TASP1: variants seen among roughly 807,000 people sequenced by gnomAD.
TASP1 encodes the protein threonine aspartase 1.
A neutral mutation model predicts 56.6 loss-of-function variants in TASP1; 16 were observed. That is an observed-to-expected ratio of 0.28 (90% CI 0.19 to 0.43). The LOEUF (loss-of-function observed/expected upper bound fraction) is 0.43, where lower values mean the gene tolerates loss of function less well. TASP1 is among the 20% of genes least tolerant of loss of function. The probability of loss-of-function intolerance (pLI) is 1.00; values close to 1 mark genes in which losing one functional copy is unlikely to be tolerated. For missense variants in TASP1, 393 were observed against 511.6 expected (o/e 0.77, Z 2.24); for synonymous variants, 179 against 184.2 (o/e 0.97, Z 0.23).
intron 10 of TASP1, among the ~76,000 whole-genome samples, chr20:13,496,514 T>C (rs1224148439): frequency 6.6e-6 from 1 of 150,614 alleles, no homozygotes; most frequent in Admixed American, 6.6e-5. Context: ...AGGAGGATCA[T>C]TGGAGAAATG....
At chr20:13,495,091 A>G (rs2146595052) in intron 10 of TASP1, among the ~76,000 whole-genome samples, 1 of 152,234 alleles carries the variant, frequency 6.6e-6, no homozygotes, top group East Asian at 1.9e-4. Flanking sequence ...AGACAGTTAT[A>G]CTACACCATA....
chr20:13,386,564 C>T (rs921054119), downstream of TASP1, among the ~76,000 whole-genome samples: 15 of 152,136 alleles, frequency 9.9e-5, no homozygotes, highest in Non-Finnish European at 1.9e-4. Flanking sequence ...TAAATCTTCT[C>T]TTCTTCATTC....
the TASP1 span, among the ~76,000 whole-genome samples, chr20:13,381,529 G>A: frequency 6.6e-6 from 1 of 152,212 alleles, no homozygotes; most frequent in African/African-American, 2.4e-5. Flanking sequence ...GCCATCTTGA[G>A]AAGTCTGTTA....
the TASP1 span, among the ~76,000 whole-genome samples, chr20:13,231,170 C>T: frequency 2.6e-5 from 4 of 152,314 alleles, no homozygotes; most frequent in Admixed American, 2.6e-4. Context: ...GGATACTCCT[C>T]TAGGTAGCAA....
At chr20:13,280,399 C>G in the TASP1 span, among the ~76,000 whole-genome samples, 1,252 of 147,652 alleles carry the variant, frequency 8.5e-3, 22 homozygotes, top group African/African-American at 0.029. Context: ...TAACCCCCCC[C>G]CCCCAATACA....
At chr20:13,395,950 C>T (rs1197871889) in intron 13 of TASP1, among the ~76,000 whole-genome samples, 9 of 151,870 alleles carry the variant, frequency 5.9e-5, no homozygotes, top group Admixed American at 5.9e-4. Context: ...ATCCGCCTGC[C>T]TTGGCCTCCC....
chr20:13,166,689 G>A, the TASP1 span: 1 of 152,196 alleles, frequency 6.6e-6, no homozygotes, highest in Non-Finnish European at 1.5e-5. Flanking sequence ...AAAGGAAACA[G>A]GAGGTCAAAA....
chr20:13,192,228 T>C, the TASP1 span, among the ~76,000 whole-genome samples: 1 of 152,152 alleles, frequency 6.6e-6, no homozygotes, highest in Admixed American at 6.5e-5. Context: ...AACATGGATC[T>C]GAAATTTGGA....
At chr20:13,596,220 A>G (rs1364833374) in intron 4 of TASP1, among the ~76,000 whole-genome samples, 1 of 151,952 alleles carries the variant, frequency 6.6e-6, no homozygotes, top group Non-Finnish European at 1.5e-5. Context: ...TAAAAATACA[A>G]AAAAACTAGC....
intron 5 of TASP1, among the ~76,000 whole-genome samples, chr20:13,583,641 G>A (rs2047201912): frequency 6.6e-6 from 1 of 152,172 alleles, no homozygotes; most frequent in South Asian, 2.1e-4. Context: ...TAGACCTCAT[G>A]AGCGTATTGT....
At chr20:13,429,144 G>T (rs2042715547) in intron 12 of TASP1, among the ~76,000 whole-genome samples, 1 of 152,188 alleles carries the variant, frequency 6.6e-6, no homozygotes, top group Non-Finnish European at 1.5e-5. Flanking sequence ...AGAAGTGCTG[G>T]CCTATGAGAA....
At chr20:13,391,063 T>C (rs2041254631) in intron 13 of TASP1, among the ~76,000 whole-genome samples, 1 of 152,220 alleles carries the variant, frequency 6.6e-6, no homozygotes. Context: ...CCTGCTGCCC[T>C]GTCTCTCAGT....
intron 12 of TASP1, among the ~76,000 whole-genome samples, chr20:13,424,855 T>C (rs1233382044): frequency 6.6e-6 from 1 of 152,140 alleles, no homozygotes; most frequent in Non-Finnish European, 1.5e-5. Flanking sequence ...CTGAGTAGGT[T>C]TAACATGTGA....
the TASP1 span, among the ~76,000 whole-genome samples, chr20:13,240,267 T>C: frequency 1.3e-5 from 2 of 152,302 alleles, no homozygotes; most frequent in African/African-American, 4.8e-5. Flanking sequence ...TGATTCAGAA[T>C]AAAGGAATTA....
At chr20:13,236,405 T>C in the TASP1 span, among the ~76,000 whole-genome samples, 2,873 of 152,204 alleles carry the variant, frequency 0.019, 39 homozygotes, top group Non-Finnish European at 0.022. Context: ...CCACAACACA[T>C]GGGAATTCTG....
chr20:13,486,683 C>T (rs2043328246), intron 10 of TASP1, among the ~76,000 whole-genome samples: 1 of 152,114 alleles, frequency 6.6e-6, no homozygotes, highest in East Asian at 1.9e-4. Context: ...AATGTAATAA[C>T]TGATAGAGGC....
chr20:13,274,672 C>G, the TASP1 span, among the ~76,000 whole-genome samples: 4 of 146,150 alleles, frequency 2.7e-5, no homozygotes, highest in South Asian at 2.1e-4. Context: ...CACTCCCCGC[C>G]CCCCCCGCGC....
intron 4 of TASP1, among the ~76,000 whole-genome samples, chr20:13,588,645 T>C (rs577975832): frequency 1.3e-5 from 2 of 152,258 alleles, no homozygotes; most frequent in Admixed American, 1.3e-4. Context: ...GTAAAACACA[T>C]TGAAAAAATT....
chr20:13,350,975 A>C, the TASP1 span, among the ~76,000 whole-genome samples: 33 of 152,132 alleles, frequency 2.2e-4, no homozygotes, highest in South Asian at 1.0e-3. Flanking sequence ...TGAAAAAAAA[A>C]AAAACAAAAC....
Sources: gnomAD v4.1 joint callset for allele counts (sites outside exome capture counted in the v4.1 genomes callset) on GRCh38, gnomAD v4.1.1 for gene constraint, MANE v1.5 for transcripts, NCBI Gene and HGNC (gene_info 2026-07-23, HGNC 2026-07-21) for gene names.